WDR93: variants seen among roughly 807,000 people sequenced by gnomAD.
The protein encoded by WDR93 is WD repeat-containing protein 93.
WDR93 carries 73 observed loss-of-function variants against 82.9 expected under a neutral mutation model. The observed-to-expected ratio is 0.88, with a 90% CI of 0.73 to 1.07. The LOEUF (loss-of-function observed/expected upper bound fraction) is 1.07, where lower values mean the gene tolerates loss of function less well. WDR93 is among the 50% of genes least tolerant of loss of function. The pLI is 0.00. For synonymous variants in WDR93, 283 were observed against 300.1 expected (o/e 0.94, Z 0.59); for missense variants, 738 against 826.0 (o/e 0.89, Z 1.31).
At chr15:89,713,383 T>C (rs1455581378) in intron 5 of WDR93, among the ~76,000 whole-genome samples, 1 of 152,206 alleles carries the variant, frequency 6.6e-6, no homozygotes, top group Non-Finnish European at 1.5e-5. Flanking sequence ...TTTTAACCTT[T>C]AAATATTTAG....
At chr15:89,728,931 T>G in intron 9 of WDR93, 92 bp from the exon 10 acceptor site, 1 of 1,102,692 alleles carries the variant, frequency 9.1e-7, no homozygotes, top group Non-Finnish European at 1.4e-6. Flanking sequence ...CCATTCTAAC[T>G]ATCTATTCTG....
intron 6 of WDR93, among the ~76,000 whole-genome samples, chr15:89,716,016 T>C (rs1254100495): frequency 6.6e-6 from 1 of 152,236 alleles, no homozygotes; most frequent in Non-Finnish European, 1.5e-5. Context: ...AGCATCCCTT[T>C]AAAATACATT....
intron 16 of WDR93, among the ~76,000 whole-genome samples, chr15:89,739,017 G>A (rs983836228): frequency 2.0e-5 from 3 of 151,866 alleles, no homozygotes; most frequent in Admixed American, 6.6e-5. Flanking sequence ...TGGAGGCTGA[G>A]GTGGGGGAGA....
rs1363872557 is a variant in WDR93, at chr15:89,729,088, C to A, written c.1118C>A (p.Pro373His). Reference protein sequence around the residue: ...LFAMPPEVKGPSGMACVLGIH... With the variant: ...LFAMPPEVKGHSGMACVLGIH... ...GCAATGCCACCGGAAGTCAAGGGCC[C>A]CTCAGGTAAATGAACATGAAGTGGG... The change falls in exon 10 of 17, where the codon CCC (proline) becomes CAC (histidine). Residue 373 changes from proline to histidine, a missense_variant. By Grantham distance (77) the Pro-to-His change is moderately conservative. Coordinates refer to ENST00000268130, the MANE Select transcript of WDR93 (RefSeq NM_020212.2). The A allele has an allele frequency of 1.9e-6, 3 of 1,613,830 alleles. No homozygotes were observed. In the South Asian group the frequency reaches 3.3e-5, roughly 18 times the overall value.
At chr15:89,735,617 C>A in intron 14 of WDR93, 64 bp downstream of exon 14, 1 of 1,521,886 alleles carries the variant, frequency 6.6e-7, no homozygotes, top group South Asian at 1.1e-5. Flanking sequence ...TGAATGTGTT[C>A]ATCTGTCCTT....
chr15:89,714,980 G>A lies in WDR93; in HGVS notation c.641G>A (p.Gly214Glu), dbSNP rs1249418248. 2 of 1,612,656 alleles carry A rather than the reference G, an allele frequency of 1.2e-6. No individual in the cohort carries two copies. The highest frequency in any genetic ancestry group is 1.3e-5 in the African/African-American group (1 of 74,902). ...ATGGTTCTCTGGTTTCCCAATGCAG[G>A]AGCCGGAGATATTTGGCTGGATGTG... ...GGDFAAFLLQ[G>E]AGDIWLDVYK... is the part of the protein sequence containing the mutation. The change falls in exon 6 of 17, where the codon GGA becomes GAA. Residue 214 changes from glycine (G) to glutamate (E), a missense_variant and splice_region_variant. By Grantham distance (98) the Gly-to-Glu change is moderately conservative. Transcript: ENST00000268130.
At chr15:89,694,040 C>T (rs1294697635) in intron 1 of WDR93, among the ~76,000 whole-genome samples, 2 of 152,180 alleles carry the variant, frequency 1.3e-5, no homozygotes, top group African/African-American at 4.8e-5. Flanking sequence ...TCTTATTGTA[C>T]ATCTTCAACA....
chr15:89,712,396 C>CTTTTTTTTTTTTTT (rs1170109589), intron 5 of WDR93, among the ~76,000 whole-genome samples: 7 of 80,534 alleles, frequency 8.7e-5, no homozygotes, highest in African/African-American at 1.6e-4. Context: ...TTCCACTAAT[C>CTTTTTTTTTTTTTT]TTTTTTTTTT....
rs1192827373 is a variant in WDR93, at chr15:89,738,053, A to G, written c.1778A>G (p.His593Arg). Residue 593 changes from histidine (H) to arginine (R), a missense_variant, in exon 16 of 17, where the codon CAT becomes CGT. Physicochemically the swap from His to Arg is conservative, Grantham distance 29. Transcript: ENST00000268130. The stretch of plus-strand genomic sequence containing the variant: ...TGTCTCGTCACAGGAGACTATTCAC[A>G]TGAAACTGCGTCCACCGACGATGCT... ...PCFLLRGDYS[H>R]ETASTDDAGI... 6.2e-7 allele frequency: 1 copy of G among 1,610,938 alleles called. No individual in the cohort carries two copies. Among genetic ancestry groups the G allele is most frequent in the Non-Finnish European group, 8.5e-7 (1 of 1,178,540 alleles).
intron 8 of WDR93, among the ~76,000 whole-genome samples, chr15:89,723,876 G>A (rs143305335): frequency 2.0e-5 from 3 of 152,136 alleles, no homozygotes; most frequent in East Asian, 3.9e-4. Flanking sequence ...TATATGAAAG[G>A]CAAAGCAGTA....
At chr15:89,716,768 C>A in intron 6 of WDR93, 143 bp from the exon 7 acceptor site, 1 of 635,978 alleles carries the variant, frequency 1.6e-6, no homozygotes, top group Non-Finnish European at 2.8e-6. Flanking sequence ...CAGAGGCCCA[C>A]ACAAATACTG....
chr15:89,724,060 G>C (rs1197948456), intron 8 of WDR93, among the ~76,000 whole-genome samples: 1 of 152,092 alleles, frequency 6.6e-6, no homozygotes, highest in Non-Finnish European at 1.5e-5. Context: ...AAAATAGCTG[G>C]GCGTGATGGC....
chr15:89,721,435 T>G (rs1966520254), intron 7 of WDR93: 1 of 152,372 alleles, frequency 6.6e-6, no homozygotes, highest in Non-Finnish European at 1.5e-5. Context: ...ACCTGTGAGA[T>G]CCCAGCTATT....
chr15:89,729,836 G>A, intron 11 of WDR93, 67 bp downstream of exon 11: 2 of 1,355,964 alleles, frequency 1.5e-6, no homozygotes, highest in Non-Finnish European at 2.1e-6. Context: ...CTCCAGCTTA[G>A]CTAAGAGCAT....
At position 89,743,304 on chromosome 15, in the gene WDR93, G is replaced by A. The variant is rs770030397; in HGVS notation, c.1974G>A (p.Leu658=). 1.2e-6 allele frequency: 2 copies of A among 1,614,200 alleles called. No homozygotes were observed. The highest frequency in any genetic ancestry group is 2.2e-5 in the South Asian group (2 of 91,086). The change falls in exon 17 of 17, where the codon CTG becomes CTA. Residue 658 remains leucine (L), a synonymous_variant. Coordinates refer to ENST00000268130, the MANE Select transcript of WDR93 (RefSeq NM_020212.2). ...GTGTGGCCCTCAGCTATCGGAAGCT[G>A]GAGAAGAACCCAGAGAAGGAGGAGG... ...ERFLQKSYRK[L]EKNPEKEEEH... is the part of the protein sequence containing the mutation.
At chr15:89,737,085 C>G (rs1223680758) in intron 14 of WDR93, among the ~76,000 whole-genome samples, 2 of 152,182 alleles carry the variant, frequency 1.3e-5, no homozygotes, top group African/African-American at 4.8e-5. Context: ...GCCATCGCGC[C>G]CGGCCAAAGG....
chr15:89,692,102 C>T (rs1031612034), intron 1 of WDR93, among the ~76,000 whole-genome samples: 1 of 152,198 alleles, frequency 6.6e-6, no homozygotes, highest in African/African-American at 2.4e-5. Flanking sequence ...TGTATACCAT[C>T]CTGATACTCC....
Position 89,705,545 on chromosome 15 carries a change from C to A in WDR93, c.497-9C>A. The stretch of plus-strand genomic sequence containing the variant: ...TGTCTTAACATTCTCACTTATTTTT[C>A]TGTTTCAGGTATCATTAGACTCTTT... On this transcript the variant is annotated splice_polypyrimidine_tract_variant and intron_variant, in intron 3 of 16. Coordinates refer to ENST00000268130, the MANE Select transcript of WDR93 (RefSeq NM_020212.2). The A allele has an allele frequency of 1.4e-6, 2 of 1,456,894 alleles. No individual in the cohort carries two copies. Among genetic ancestry groups the A allele is most frequent in the Non-Finnish European group, 1.9e-6 (2 of 1,037,170 alleles). 90.2% of individuals were successfully genotyped at this position (1,456,894 alleles called of 1,614,324 possible).
At chr15:89,717,045 C>CTTTTTTTTTTTTTTTT (rs11457156) in intron 7 of WDR93, 96 bp downstream of exon 7, 44 of 172,146 alleles carry the variant, frequency 2.6e-4, no homozygotes, top group African/African-American at 6.9e-4. Context: ...CTTTTTCTTT[C>CTTTTTTTTTTTTTTTT]TTTTTTTTTT....
Sources: gnomAD v4.1 joint callset for allele counts (sites outside exome capture counted in the v4.1 genomes callset) on GRCh38, gnomAD v4.1.1 for gene constraint, MANE v1.5 for transcripts, NCBI Gene and HGNC (gene_info 2026-07-23, HGNC 2026-07-21) for gene names.